SYN3: variants seen among roughly 807,000 people sequenced by gnomAD.
SYN3 encodes synapsin-3.
A neutral mutation model predicts 65.8 loss-of-function variants in SYN3; 35 were observed. The ratio of observed to expected loss-of-function variants is 0.53; its 90% CI spans 0.41 to 0.70. The LOEUF (loss-of-function observed/expected upper bound fraction) is 0.70, where lower values mean the gene tolerates loss of function less well. Among genes scored for constraint, SYN3 ranks in the 30% least tolerant of loss-of-function variants. The probability of loss-of-function intolerance (pLI) is 0.00; values close to 1 mark genes in which losing one functional copy is unlikely to be tolerated. For synonymous variants in SYN3, 270 were observed against 292.9 expected (o/e 0.92, Z 0.80); for missense variants, 680 against 749.0 (o/e 0.91, Z 1.08).
intron 6 of SYN3, among the ~76,000 whole-genome samples, chr22:32,818,284 A>C (rs1314731449): frequency 7.2e-5 from 11 of 152,172 alleles, no homozygotes; most frequent in Non-Finnish European, 1.2e-4. Context: ...TGCTGGGCAA[A>C]GCAAGGACGG....
At chr22:32,701,847 A>C (rs538894917) in intron 6 of SYN3, among the ~76,000 whole-genome samples, 5 of 152,280 alleles carry the variant, frequency 3.3e-5, no homozygotes, top group African/African-American at 9.6e-5. Flanking sequence ...GTACAGAAAA[A>C]ATTATGAAAA....
intron 3 of SYN3, among the ~76,000 whole-genome samples, chr22:32,937,389 C>T (rs577861904): frequency 2.0e-5 from 3 of 152,314 alleles, no homozygotes; most frequent in Middle Eastern, 3.4e-3. Context: ...CTGCTATCAA[C>T]TACCTGAGCC....
At chr22:32,692,176 ACAGGACGGTCTGC>A (rs2060673024) in intron 6 of SYN3, among the ~76,000 whole-genome samples, 1 of 61,416 alleles carries the variant, frequency 1.6e-5, no homozygotes, top group Non-Finnish European at 2.6e-5. Flanking sequence ...AAAAAAAAAA[ACAGGACGGTCTGC>A]AAAGAGAGAA....
At chr22:32,977,067 G>A (rs547487287) in intron 3 of SYN3, among the ~76,000 whole-genome samples, 2 of 152,192 alleles carry the variant, frequency 1.3e-5, no homozygotes, top group East Asian at 1.9e-4. Flanking sequence ...ATTCCAAGAT[G>A]GATTTGGAAA....
intron 6 of SYN3, among the ~76,000 whole-genome samples, chr22:32,836,839 T>C (rs1347996897): frequency 2.6e-5 from 4 of 152,222 alleles, no homozygotes; most frequent in African/African-American, 9.6e-5. Context: ...AAGTTATAGA[T>C]GTACCAGGGT....
intron 6 of SYN3, among the ~76,000 whole-genome samples, chr22:32,832,871 G>T (rs2047618237): frequency 6.6e-6 from 1 of 151,892 alleles, no homozygotes; most frequent in South Asian, 2.1e-4. Flanking sequence ...GGGACTACAG[G>T]TACGTACTAC....
rs561149084 is a variant in SYN3 at position 32,586,728 on chromosome 22, T to TG, written c.774+9945dup. Among the ~76,000 whole-genome samples the TG allele has an allele frequency of 3.0e-3, 462 of 152,238 alleles. 2 individuals are homozygous for TG. Among genetic ancestry groups the TG allele is most frequent in the African/African-American group, 0.011 (438 of 41,548 alleles). ...ACAAAACTGCTGCGAGATTTCATTT[T>TG]GGGGCTACAAAGGAATTTTTGCAAG... On this transcript the variant is annotated intron_variant, in intron 7 of 13. Coordinates refer to ENST00000358763, the MANE Select transcript of SYN3 (RefSeq NM_003490.4).
At chr22:32,633,296 G>C (rs1215134928) in intron 6 of SYN3, among the ~76,000 whole-genome samples, 1 of 152,116 alleles carries the variant, frequency 6.6e-6, no homozygotes, top group Non-Finnish European at 1.5e-5. Context: ...TTTTTGAGCG[G>C]AGCAAACAGA....
At chr22:32,540,398 C>T (rs2058235632) in intron 8 of SYN3, among the ~76,000 whole-genome samples, 1 of 152,182 alleles carries the variant, frequency 6.6e-6, no homozygotes. Context: ...TCCAGCTGTC[C>T]AGGGCTAACC....
chr22:32,786,033 G>A (rs1051899958), intron 6 of SYN3, among the ~76,000 whole-genome samples: 1 of 151,976 alleles, frequency 6.6e-6, no homozygotes, highest in Non-Finnish European at 1.5e-5. Context: ...AAAAAATACA[G>A]CATTCTAGCA....
At chr22:32,650,040 C>G (rs1057125196) in intron 6 of SYN3, among the ~76,000 whole-genome samples, 1 of 152,094 alleles carries the variant, frequency 6.6e-6, no homozygotes, top group Non-Finnish European at 1.5e-5. Flanking sequence ...GAGGTGAACT[C>G]TTACTCATGC....
intron 6 of SYN3, among the ~76,000 whole-genome samples, chr22:32,601,781 G>A (rs945874435): frequency 6.6e-6 from 1 of 152,164 alleles, no homozygotes; most frequent in Admixed American, 6.5e-5. Flanking sequence ...ACCGGGGAGC[G>A]ACCTGCCAGC....
chr22:32,762,642 C>G (rs1224324070), intron 6 of SYN3, among the ~76,000 whole-genome samples: 2 of 152,178 alleles, frequency 1.3e-5, no homozygotes, highest in Non-Finnish European at 2.9e-5. Flanking sequence ...AACCCAGTGT[C>G]TGCAACCAGG....
At chr22:32,609,794 T>C (rs1252467695) in intron 6 of SYN3, among the ~76,000 whole-genome samples, 2 of 152,136 alleles carry the variant, frequency 1.3e-5, no homozygotes, top group Non-Finnish European at 2.9e-5. Context: ...ACTTGACCTC[T>C]GCCTGGTTTT....
chr22:32,536,194 C>T (rs147566451), intron 9 of SYN3, among the ~76,000 whole-genome samples: 200 of 152,320 alleles, frequency 1.3e-3, no homozygotes, highest in African/African-American at 3.5e-3. Context: ...CACGACTGTC[C>T]CGTGAACACC....
intron 10 of SYN3, among the ~76,000 whole-genome samples, chr22:32,532,055 A>C (rs375444515): frequency 3.7e-4 from 56 of 151,948 alleles, no homozygotes; most frequent in African/African-American, 1.4e-3. Flanking sequence ...CTCACAGGGG[A>C]CAGAGAGACT....
intron 3 of SYN3, among the ~76,000 whole-genome samples, chr22:32,962,993 A>G (rs528828282): frequency 2.5e-4 from 38 of 150,734 alleles, no homozygotes; most frequent in Non-Finnish European, 4.6e-4. Flanking sequence ...TTGTATATGT[A>G]TGTATATGTA....
intron 6 of SYN3, among the ~76,000 whole-genome samples, chr22:32,713,657 C>T (rs893194518): frequency 1.3e-4 from 20 of 152,152 alleles, no homozygotes; most frequent in Admixed American, 1.2e-3. Flanking sequence ...GGTGAAACCC[C>T]GTCTCTACTA....
intron 3 of SYN3, among the ~76,000 whole-genome samples, chr22:32,946,663 A>C (rs972377808): frequency 2.0e-4 from 31 of 152,238 alleles, no homozygotes; most frequent in Admixed American, 1.6e-3. Context: ...CACGTTTTGC[A>C]CATGTACCCT....
Sources: gnomAD v4.1 joint callset for allele counts (sites outside exome capture counted in the v4.1 genomes callset) on GRCh38, gnomAD v4.1.1 for gene constraint, MANE v1.5 for transcripts, NCBI Gene and HGNC (gene_info 2026-07-23, HGNC 2026-07-21) for gene names.